The following RYR2 variants were observed in gnomAD, a reference collection of about 807,000 sequenced individuals.
RYR2 encodes the protein cardiac muscle ryanodine receptor-calcium release channel.
Under a neutral mutation model 601.1 loss-of-function variants are expected in RYR2, and 227 were observed. The ratio of observed to expected loss-of-function variants is 0.38; its 90% CI spans 0.34 to 0.42. The LOEUF is 0.42. Among genes scored for constraint, RYR2 ranks in the 10% least tolerant of loss-of-function variants. The probability of loss-of-function intolerance (pLI) is 1.00; values close to 1 mark genes in which losing one functional copy is unlikely to be tolerated. For missense variants in RYR2, 4,646 were observed against 6,156.5 expected, an observed-to-expected ratio of 0.75 and a Z score of 8.21; for synonymous variants, 2,223 against 2,175.1, an observed-to-expected ratio of 1.02 and a Z score of -0.61.
chr1:237,264,058 A>T (rs1406227710), intron 1 of RYR2, among the ~76,000 whole-genome samples: 1 of 151,098 alleles, frequency 6.6e-6, no homozygotes, highest in African/African-American at 2.4e-5. Context: ...AACTTTGCTC[A>T]GAATTACTAA....
At chr1:237,124,591 G>A (rs953487699) in intron 1 of RYR2, among the ~76,000 whole-genome samples, 19 of 152,126 alleles carry the variant, frequency 1.2e-4, no homozygotes, top group African/African-American at 3.6e-4. Flanking sequence ...TTAGCATTCC[G>A]GGGCCAGCTA....
chr1:237,299,557 C>T (rs951471451), intron 2 of RYR2, among the ~76,000 whole-genome samples: 10 of 152,118 alleles, frequency 6.6e-5, no homozygotes, highest in African/African-American at 2.4e-4. Context: ...TTTCCTGAGA[C>T]ACCCAAGATG....
intron 79 of RYR2, among the ~76,000 whole-genome samples, chr1:237,738,991 CT>C (rs1691380222): frequency 6.6e-6 from 1 of 152,324 alleles, no homozygotes; most frequent in East Asian, 1.9e-4. Context: ...GAGTTACTGA[CT>C]TTTGTCAACC....
intron 28 of RYR2, among the ~76,000 whole-genome samples, chr1:237,568,248 C>CTT (rs1319439215): frequency 6.6e-6 from 1 of 152,058 alleles, no homozygotes; most frequent in Admixed American, 6.6e-5. Flanking sequence ...CTGATGTAAA[C>CTT]TTTTTTAAAA....
chr1:237,351,526 A>G (rs1698838806), intron 3 of RYR2, among the ~76,000 whole-genome samples: 1 of 152,040 alleles, frequency 6.6e-6, no homozygotes, highest in African/African-American at 2.4e-5. Context: ...GAACCTCCAA[A>G]CAATGAAAAG....
intron 24 of RYR2, among the ~76,000 whole-genome samples, chr1:237,518,754 C>A (rs1029695491): frequency 3.9e-5 from 6 of 152,234 alleles, no homozygotes; most frequent in Middle Eastern, 3.4e-3. Flanking sequence ...ATATGGATTT[C>A]TTTTCCTTCG....
At chr1:237,288,043 G>A (rs1295739495) in intron 2 of RYR2, among the ~76,000 whole-genome samples, 5 of 152,156 alleles carry the variant, frequency 3.3e-5, no homozygotes, top group Non-Finnish European at 7.3e-5. Context: ...TTATGGATGT[G>A]GCTTCCTGTC....
intron 2 of RYR2, among the ~76,000 whole-genome samples, chr1:237,328,151 A>AT (rs922540193): frequency 2.4e-4 from 37 of 152,058 alleles, no homozygotes; most frequent in African/African-American, 5.8e-4. Flanking sequence ...AAATCAAGGC[A>AT]TTTTTTTTCA....
chr1:237,650,897 T>A (rs1443375691), intron 50 of RYR2, among the ~76,000 whole-genome samples: 2 of 152,236 alleles, frequency 1.3e-5, no homozygotes, highest in Non-Finnish European at 2.9e-5. Flanking sequence ...ATCTCACAGA[T>A]ATTTTCTAAG....
intron 92 of RYR2, among the ~76,000 whole-genome samples, chr1:237,790,711 G>A (rs983003888): frequency 4.6e-5 from 7 of 152,046 alleles, no homozygotes; most frequent in African/African-American, 1.7e-4. Context: ...GCATGCAGAT[G>A]AGCAGAGTGA....
intron 10 of RYR2, among the ~76,000 whole-genome samples, chr1:237,405,283 G>C (rs1263016385): frequency 6.6e-6 from 1 of 152,352 alleles, no homozygotes; most frequent in Non-Finnish European, 1.5e-5. Context: ...CCTGGAAAGA[G>C]TGGTATCCTG....
rs1218368141 is a variant in RYR2, at chr1:237,589,762, T to A, written c.3599-31T>A. On this transcript the variant is annotated intron_variant, in intron 29 of 104. Transcript: ENST00000366574. The stretch of plus-strand genomic sequence containing the variant: ...TACTAACAGGATCATATACTAATGG[T>A]ACTAAAACTTGATTTTTTTTTTCTT... 1.9e-6 allele frequency: 3 copies of A among 1,581,854 alleles called. No individual in the cohort carries two copies. In the East Asian group the frequency reaches 6.8e-5, roughly 36 times the overall value.
At chr1:237,627,633 T>C (rs1679816582) in intron 40 of RYR2, among the ~76,000 whole-genome samples, 174 bp from the exon 41 acceptor site, 1 of 152,252 alleles carries the variant, frequency 6.6e-6, no homozygotes, top group Non-Finnish European at 1.5e-5. Context: ...CTGATCTGTA[T>C]TGAAATATGT....
At chr1:237,054,694 T>A (rs908333236) in intron 1 of RYR2, among the ~76,000 whole-genome samples, 2 of 152,204 alleles carry the variant, frequency 1.3e-5, no homozygotes, top group Non-Finnish European at 2.9e-5. Context: ...GTGAAGAAAT[T>A]AAATAAAATC....
chr1:237,230,530 C>T (rs1238897068), intron 1 of RYR2, among the ~76,000 whole-genome samples: 1 of 151,996 alleles, frequency 6.6e-6, no homozygotes, highest in Non-Finnish European at 1.5e-5. Flanking sequence ...TTTCAAGAAA[C>T]TAGGTTATCT....
At chr1:237,795,001 T>C (rs1381303762) in intron 95 of RYR2, among the ~76,000 whole-genome samples, 1 of 152,232 alleles carries the variant, frequency 6.6e-6, no homozygotes, top group Non-Finnish European at 1.5e-5. Flanking sequence ...TACTGATATG[T>C]TATAAACAAA....
chr1:237,252,245 C>T (rs995417899), intron 1 of RYR2, among the ~76,000 whole-genome samples: 4 of 152,058 alleles, frequency 2.6e-5, no homozygotes, highest in Non-Finnish European at 5.9e-5. Context: ...TTTCCTCCTA[C>T]TCAACTCAGC....
At chr1:237,098,409 G>A (rs920104534) in intron 1 of RYR2, among the ~76,000 whole-genome samples, 13 of 151,946 alleles carry the variant, frequency 8.6e-5, no homozygotes, top group African/African-American at 3.1e-4. Context: ...GTGTGTGTGT[G>A]TGTGTGTGTG....
At chr1:237,446,142 A>T (rs1392137312) in intron 14 of RYR2, among the ~76,000 whole-genome samples, 1 of 152,054 alleles carries the variant, frequency 6.6e-6, no homozygotes, top group African/African-American at 2.4e-5. Flanking sequence ...AGGGCAGTGA[A>T]GCCTATATAG....
Sources: gnomAD v4.1 joint callset for allele counts (sites outside exome capture counted in the v4.1 genomes callset) on GRCh38, gnomAD v4.1.1 for gene constraint, MANE v1.5 for transcripts, NCBI Gene and HGNC (gene_info 2026-07-23, HGNC 2026-07-21) for gene names.